The following ZNF14 variants were observed in gnomAD, a reference collection of about 807,000 sequenced individuals.
ZNF14 encodes gonadotropin inducible transcription repressor-4.
In ZNF14, 9 loss-of-function variants were observed where a neutral mutation model predicts 11.3. The observed-to-expected ratio is 0.80, with a 90% CI of 0.48 to 1.39. The LOEUF (loss-of-function observed/expected upper bound fraction) is 1.39, where lower values mean the gene tolerates loss of function less well. ZNF14 is among the 40% of genes most tolerant of loss of function. The probability of loss-of-function intolerance (pLI) is 0.00; values close to 1 mark genes in which losing one functional copy is unlikely to be tolerated. For missense variants in ZNF14, 711 were observed against 763.9 expected, an observed-to-expected ratio of 0.93 and a Z score of 0.82; for synonymous variants, 239 against 245.7, an observed-to-expected ratio of 0.97 and a Z score of 0.25.
At chr19:19,721,821 G>A (rs2062393992) in intron 1 of ZNF14, among the ~76,000 whole-genome samples, 1 of 152,026 alleles carries the variant, frequency 6.6e-6, no homozygotes. Flanking sequence ...AAATTAGCCA[G>A]GTATGGTGGC....
chr19:19,729,191 T>C (rs1347737621), intron 1 of ZNF14, among the ~76,000 whole-genome samples: 1 of 152,164 alleles, frequency 6.6e-6, no homozygotes, highest in Admixed American at 6.5e-5. Context: ...TTGGCCAGGC[T>C]GGTCTGGAAC....
At chr19:19,713,705 T>TC (rs1159730146) in intron 3 of ZNF14, among the ~76,000 whole-genome samples, 1 of 148,920 alleles carries the variant, frequency 6.7e-6, no homozygotes, top group Non-Finnish European at 1.5e-5. Flanking sequence ...TGCCTTGGCC[T>TC]CCCAAAGTGC....
intron 1 of ZNF14, among the ~76,000 whole-genome samples, chr19:19,732,215 C>T (rs1045794541): frequency 1.3e-5 from 2 of 152,198 alleles, no homozygotes; most frequent in Non-Finnish European, 2.9e-5. Context: ...AGAACCTGAA[C>T]AAGCTCACAA....
At chr19:19,716,621 C>T (rs2062378609) in intron 1 of ZNF14, among the ~76,000 whole-genome samples, 1 of 151,994 alleles carries the variant, frequency 6.6e-6, no homozygotes, top group Non-Finnish European at 1.5e-5. Flanking sequence ...ATCCATCAAA[C>T]ATCACAAAAA....
chr19:19,717,359 C>A (rs570736838), intron 1 of ZNF14, among the ~76,000 whole-genome samples: 2 of 152,338 alleles, frequency 1.3e-5, no homozygotes, highest in Admixed American at 6.5e-5. Flanking sequence ...TGTTTCCATG[C>A]ATTCCCTGGG....
At chr19:19,725,105 A>T (rs1437477076) in intron 1 of ZNF14, among the ~76,000 whole-genome samples, 1 of 133,322 alleles carries the variant, frequency 7.5e-6, no homozygotes, top group Non-Finnish European at 1.7e-5. Flanking sequence ...TTATGTGTGA[A>T]TTTGATCCTG....
chr19:19,729,050 C>T (rs753858930), intron 1 of ZNF14, among the ~76,000 whole-genome samples: 4 of 152,162 alleles, frequency 2.6e-5, no homozygotes, highest in South Asian at 2.1e-4. Context: ...GATCTCAGCT[C>T]GCCGCAACCT....
At chr19:19,721,704 G>A (rs569260293) in intron 1 of ZNF14, among the ~76,000 whole-genome samples, 2 of 152,252 alleles carry the variant, frequency 1.3e-5, no homozygotes, top group South Asian at 2.1e-4. Context: ...GCTCATGCCT[G>A]TAATCCTAGC....
At chr19:19,716,915 C>T (rs56167115) in intron 1 of ZNF14, among the ~76,000 whole-genome samples, 29,966 of 152,072 alleles carry the variant, frequency 0.2, 3,067 homozygotes, top group Middle Eastern at 0.26. Flanking sequence ...TTTACCAAAG[C>T]CTATGTGACC....
In ZNF14 at chr19:19,711,063, C is replaced by A. The variant is rs896795957; in HGVS notation, c.*289G>T. The A allele has an allele frequency of 7.7e-5, 23 of 298,210 alleles. No homozygotes were observed. Among genetic ancestry groups the A allele is most frequent in the African/African-American group, 5.0e-4 (23 of 45,898 alleles). The allele number at this position is 298,210 out of a possible 1,614,324, so 18.5% of individuals were successfully genotyped here. ...AAGTGCTGGGACTATAGGCATGAGC[C>A]AACAAGCTTGGCCTTTTTTAAAAAA... On this transcript the variant is annotated 3_prime_UTR_variant, in exon 4 of 4. Coordinates refer to ENST00000344099, the MANE Select transcript of ZNF14 (RefSeq NM_021030.3).
At position 19,715,182 on chromosome 19, in the gene ZNF14, C is replaced by T. The variant is rs551798377; in HGVS notation, c.4-695G>A. Reference sequence around the variant, plus strand: ...CTACCTTATTACGTACCATATCACTCAGCATTTCATTACGCATGGAATCAA... The same window carrying T: ...CTACCTTATTACGTACCATATCACTTAGCATTTCATTACGCATGGAATCAA... On this transcript the variant is annotated intron_variant, in intron 1 of 3. Coordinates refer to ENST00000344099, the MANE Select transcript of ZNF14 (RefSeq NM_021030.3). Among the ~76,000 whole-genome samples the T allele has an allele frequency of 5.9e-5, 9 of 152,322 alleles. No individual in the cohort carries two copies. The South Asian group carries it at 1.9e-3, about 32-fold the overall frequency.
At chr19:19,729,656 A>G (rs145270120) in intron 1 of ZNF14, among the ~76,000 whole-genome samples, 30 of 152,260 alleles carry the variant, frequency 2.0e-4, no homozygotes, top group African/African-American at 7.2e-4. Context: ...AAACAACAGA[A>G]GATTATGTAG....
At position 19,721,547 on chromosome 19, in the gene ZNF14, A is replaced by G. The variant is rs117507478; in HGVS notation, c.4-7060T>C. 1.3e-3 allele frequency among the ~76,000 whole-genome samples: 192 copies of G among 152,322 alleles called. 3 individuals are homozygous for G. The East Asian group carries it at 0.033, about 26-fold the overall frequency. On this transcript the variant is annotated intron_variant, in intron 1 of 3. Coordinates refer to ENST00000344099, the MANE Select transcript of ZNF14 (RefSeq NM_021030.3). ...TTTCTTCAAGTCACTGATTGCATCA[A>G]TATTTCCATAAGAATAATTGAAGGT...
chr19:19,719,148 T>C (rs2062385562), intron 1 of ZNF14, among the ~76,000 whole-genome samples: 2 of 152,076 alleles, frequency 1.3e-5, no homozygotes, highest in Non-Finnish European at 2.9e-5. Context: ...CCCAACCACA[T>C]AGAATTCTGT....
At chr19:19,719,106 G>C (rs1387516145) in intron 1 of ZNF14, among the ~76,000 whole-genome samples, 1 of 152,098 alleles carries the variant, frequency 6.6e-6, no homozygotes, top group Non-Finnish European at 1.5e-5. Context: ...AGAGACTGGA[G>C]TGAAATGTTT....
Position 19,723,987 on chromosome 19 carries a change from T to C in ZNF14, c.3+8969A>G, listed in dbSNP as rs2145102202. Among the ~76,000 whole-genome samples the C allele has an allele frequency of 1.5e-5, 2 of 133,872 alleles. 1 individual carries two copies. The highest frequency in any genetic ancestry group is 3.3e-5 in the Non-Finnish European group (2 of 60,238). 87.8% of individuals were successfully genotyped at this position (133,872 alleles called of 152,430 possible). ...TCTTCTCTCTTTTATTCTTTATTAG[T>C]CTTGCTAGCAGTCTATCAATTTTGT... On this transcript the variant is annotated intron_variant, in intron 1 of 3. Transcript: ENST00000344099.
At chr19:19,723,545 T>C (rs1381719532) in intron 1 of ZNF14, among the ~76,000 whole-genome samples, 3 of 152,138 alleles carry the variant, frequency 2.0e-5, no homozygotes, top group African/African-American at 2.4e-5. Context: ...AAAATTCTCT[T>C]TTTTTTGTTG....
In ZNF14 at chr19:19,712,188, A is replaced by G; in HGVS notation, c.1093T>C (p.Cys365Arg). Residue 365 changes from cysteine to arginine, a missense_variant, in exon 4 of 4, where the codon TGT becomes CGT. Physicochemically the swap from Cys to Arg is radical, Grantham distance 180. Transcript: ENST00000344099. ...CTGAATGATTTGCCACATCGTTTACATTCATATGGTTTTTCTCCAATATGA... is the reference window on the plus strand; with the variant it reads ...CTGAATGATTTGCCACATCGTTTACGTTCATATGGTTTTTCTCCAATATGA... ...RTHIGEKPYE[C>R]KRCGKSFSWS... The G allele has an allele frequency of 1.9e-6, 3 of 1,614,102 alleles. No homozygotes were observed. The highest frequency in any genetic ancestry group is 2.5e-6 in the Non-Finnish European group (3 of 1,180,014).
intron 1 of ZNF14, among the ~76,000 whole-genome samples, chr19:19,722,737 C>T (rs917245975): frequency 6.6e-6 from 1 of 152,172 alleles, no homozygotes; most frequent in Admixed American, 6.5e-5. Flanking sequence ...TTTGTGTCCC[C>T]TTTTATTTCA....
Sources: gnomAD v4.1 joint callset for allele counts (sites outside exome capture counted in the v4.1 genomes callset) on GRCh38, gnomAD v4.1.1 for gene constraint, MANE v1.5 for transcripts, NCBI Gene and HGNC (gene_info 2026-07-23, HGNC 2026-07-21) for gene names.